TMEM272: variants seen among roughly 807,000 people sequenced by gnomAD.
TMEM272 encodes transmembrane protein 272, also known as long intergenic non-protein coding RNA 282.
In TMEM272, 8 loss-of-function variants were observed where a neutral mutation model predicts 3.7. That is an observed-to-expected ratio of 2.17 (90% CI 1.27 to 3.91). The LOEUF (loss-of-function observed/expected upper bound fraction) is 3.91, where lower values mean the gene tolerates loss of function less well. Ranked by LOEUF, TMEM272 falls within the 30% of genes most tolerant of loss-of-function variation. TMEM272 has a pLI of 0.00. For missense variants in TMEM272, 166 were observed against 91.5 expected, an observed-to-expected ratio of 1.81 and a Z score of -3.32; for synonymous variants, 63 against 39.8, an observed-to-expected ratio of 1.58 and a Z score of -2.20.
At chr13:51,858,459 CCCCATATA>C in the TMEM272 span, among the ~76,000 whole-genome samples, 1 of 152,154 alleles carries the variant, frequency 6.6e-6, no homozygotes, top group East Asian at 1.9e-4. Flanking sequence ...ATTGGAAAAT[CCCCATATA>C]TTTGGAAGTT....
chr13:51,930,066 T>A, the TMEM272 span, among the ~76,000 whole-genome samples: 6 of 152,118 alleles, frequency 3.9e-5, no homozygotes, highest in African/African-American at 1.2e-4. Flanking sequence ...ACAAAGGACA[T>A]CCCTCCATGA....
the TMEM272 span, chr13:51,908,922 A>C: frequency 1.4e-6 from 2 of 1,393,558 alleles, no homozygotes; most frequent in Non-Finnish European, 2.0e-6. Flanking sequence ...TTCCTTGGTA[A>C]TCTGGTGGTC....
the TMEM272 span, among the ~76,000 whole-genome samples, chr13:51,903,065 G>C: frequency 6.6e-6 from 1 of 152,172 alleles, no homozygotes; most frequent in African/African-American, 2.4e-5. Flanking sequence ...TTATAATCTA[G>C]TACCTAAATA....
chr13:51,865,852 G>C, the TMEM272 span: 1 of 1,613,770 alleles, frequency 6.2e-7, no homozygotes, highest in Non-Finnish European at 8.5e-7. Flanking sequence ...CCCTGTGGGA[G>C]GAAGAAAAGG....
the TMEM272 span, among the ~76,000 whole-genome samples, chr13:51,855,293 T>G: frequency 1.3e-5 from 2 of 152,220 alleles, no homozygotes; most frequent in African/African-American, 4.8e-5. Context: ...ATTATCTCAA[T>G]TCCCAACTGG....
the TMEM272 span, among the ~76,000 whole-genome samples, chr13:51,879,333 G>A: frequency 7.0e-6 from 1 of 143,164 alleles, no homozygotes; most frequent in African/African-American, 2.6e-5. Context: ...TAAGACTTTC[G>A]CATTTTCTTA....
the TMEM272 span, among the ~76,000 whole-genome samples, chr13:51,879,911 G>A: frequency 2.0e-5 from 3 of 152,204 alleles, no homozygotes; most frequent in Non-Finnish European, 4.4e-5. Context: ...AGAATAAAAG[G>A]AGAGAAGGAA....
chr13:51,891,996 C>T, the TMEM272 span, among the ~76,000 whole-genome samples: 1 of 152,150 alleles, frequency 6.6e-6, no homozygotes, highest in Admixed American at 6.5e-5. Context: ...ATTAGTAATG[C>T]TATGCGAGCT....
the TMEM272 span, among the ~76,000 whole-genome samples, chr13:51,915,856 C>T: frequency 7.9e-5 from 12 of 152,268 alleles, no homozygotes; most frequent in East Asian, 2.3e-3. Flanking sequence ...AGGCGGGTCA[C>T]GAGGTCAAGA....
chr13:51,850,846 T>C, the TMEM272 span, among the ~76,000 whole-genome samples: 1 of 152,226 alleles, frequency 6.6e-6, no homozygotes, highest in Non-Finnish European at 1.5e-5. Context: ...AAGAAATGTT[T>C]CAAAGTAACA....
At chr13:51,931,300 A>G in the TMEM272 span, among the ~76,000 whole-genome samples, 3 of 27,764 alleles carry the variant, frequency 1.1e-4, no homozygotes, top group African/African-American at 3.4e-4. Flanking sequence ...AGTTCGTCTC[A>G]AAAAAAAAAA....
the TMEM272 span, among the ~76,000 whole-genome samples, chr13:51,887,554 C>T: frequency 8.1e-3 from 1,233 of 152,352 alleles, 28 homozygotes; most frequent in African/African-American, 0.028. Flanking sequence ...ACAGACAGGA[C>T]ATGCCCAGAC....
chr13:51,892,941 C>G, the TMEM272 span, among the ~76,000 whole-genome samples: 1 of 152,222 alleles, frequency 6.6e-6, no homozygotes, highest in South Asian at 2.1e-4. Context: ...AACTCCCTGC[C>G]TTTCTTTACT....
chr13:51,920,892 G>A, the TMEM272 span, among the ~76,000 whole-genome samples: 107 of 152,280 alleles, frequency 7.0e-4, 3 homozygotes, highest in East Asian at 0.019. Flanking sequence ...GTGGACTTCC[G>A]GTGGCCTTCA....
At chr13:51,830,859 G>C (rs1171172397) in intron 2 of TMEM272, among the ~76,000 whole-genome samples, 1 of 152,110 alleles carries the variant, frequency 6.6e-6, no homozygotes, top group Non-Finnish European at 1.5e-5. Flanking sequence ...CGCTTCTCTG[G>C]ATCACCACTC....
chr13:51,862,858 T>C, the TMEM272 span, among the ~76,000 whole-genome samples: 1 of 152,214 alleles, frequency 6.6e-6, no homozygotes, highest in Admixed American at 6.5e-5. Context: ...TTCAATTCAG[T>C]TCAATTCAAC....
chr13:51,879,201 C>T, the TMEM272 span, among the ~76,000 whole-genome samples: 10 of 152,178 alleles, frequency 6.6e-5, no homozygotes, highest in African/African-American at 2.4e-4. Context: ...ACAAAACACA[C>T]TTGCAGAGAT....
chr13:51,931,014 A>C, the TMEM272 span, among the ~76,000 whole-genome samples: 2 of 152,228 alleles, frequency 1.3e-5, no homozygotes, highest in African/African-American at 4.8e-5. Flanking sequence ...TAATCCCATC[A>C]CAATTCTTCA....
At chr13:51,914,921 A>C in the TMEM272 span, among the ~76,000 whole-genome samples, 3 of 152,250 alleles carry the variant, frequency 2.0e-5, no homozygotes, top group African/African-American at 7.2e-5. Flanking sequence ...TTACTCTGTC[A>C]AGAATCGATT....
Sources: gnomAD v4.1 joint callset for allele counts (sites outside exome capture counted in the v4.1 genomes callset) on GRCh38, gnomAD v4.1.1 for gene constraint, MANE v1.5 for transcripts, NCBI Gene and HGNC (gene_info 2026-07-23, HGNC 2026-07-21) for gene names.